Variants in XIRP2 observed in about 807,000 individuals in gnomAD.
XIRP2 encodes xin actin-binding repeat-containing protein 2.
In XIRP2, 236 loss-of-function variants were observed where a neutral mutation model predicts 277.0. That is an observed-to-expected ratio of 0.85 (90% confidence interval 0.77 to 0.95). XIRP2 has a LOEUF of 0.95. Ranked by LOEUF, XIRP2 falls within the 40% of genes least tolerant of loss-of-function variation. The pLI is 0.00. For synonymous variants in XIRP2, 1,490 were observed against 1,416.5 expected (o/e 1.05, Z -1.17); for missense variants, 4,640 against 4,157.5 (o/e 1.12, Z -3.19).
chr2:166,972,357 A>G (rs1420501532), intron 2 of XIRP2, among the ~76,000 whole-genome samples: 1 of 152,186 alleles, frequency 6.6e-6, no homozygotes, highest in African/African-American at 2.4e-5. Flanking sequence ...CATATCAGAT[A>G]GGAATATCTT....
chr2:167,024,598 G>T (rs1203918113), intron 2 of XIRP2, among the ~76,000 whole-genome samples: 1 of 152,066 alleles, frequency 6.6e-6, no homozygotes, highest in Non-Finnish European at 1.5e-5. Context: ...GTTTGTCATA[G>T]ATAGCTCTTA....
Position 167,258,833 on chromosome 2 carries a change from G to T in XIRP2, c.*1016G>T, listed in dbSNP as rs1045797016. On this transcript the variant is annotated 3_prime_UTR_variant, in exon 11 of 11. Coordinates refer to ENST00000409195, the MANE Select transcript of XIRP2 (RefSeq NM_152381.6). ...TACATCTAGAATCTCAGAGTTACTT[G>T]GTATATTTGAATCTGAAAAGACTTA... 43 of 1,612,970 alleles carry T rather than the reference G, an allele frequency of 2.7e-5. No homozygotes were observed. The highest frequency in any genetic ancestry group is 3.6e-5 in the Non-Finnish European group (42 of 1,179,516).
chr2:166,927,112 T>G (rs137986202), intron 2 of XIRP2, among the ~76,000 whole-genome samples: 113 of 152,262 alleles, frequency 7.4e-4, no homozygotes, highest in African/African-American at 2.6e-3. Flanking sequence ...ATTTTAGTTT[T>G]TCTCTGTGTT....
At chr2:166,904,907 A>G (rs1684479174) in intron 2 of XIRP2, among the ~76,000 whole-genome samples, 1 of 152,072 alleles carries the variant, frequency 6.6e-6, no homozygotes, top group South Asian at 2.1e-4. Flanking sequence ...ATTTTTGAAA[A>G]TCAATTATTT....
chr2:167,245,789 G>A lies in XIRP2; in HGVS notation c.4397G>A (p.Gly1466Glu), dbSNP rs1392730095. Residue 1466 changes from glycine (G) to glutamate (E), a missense_variant, in exon 9 of 11, where the codon GGA becomes GAA. Physicochemically the swap from Gly to Glu is moderately conservative, Grantham distance 98. Transcript: ENST00000409195. ...ACCCACACTATGGATGAACTGAGAG[G>A]AGAAGGGTTAGAATATGAAAATATC... ...FETHTMDELR[G>E]EGLEYENIKT... The A allele has an allele frequency of 6.2e-7, 1 of 1,613,732 alleles. No individual in the cohort carries two copies. The highest frequency in any genetic ancestry group is 8.5e-7 in the Non-Finnish European group (1 of 1,179,744).
chr2:167,064,169 G>A (rs115377868), intron 2 of XIRP2, among the ~76,000 whole-genome samples: 1,712 of 151,530 alleles, frequency 0.011, 33 homozygotes, highest in African/African-American at 0.039. Context: ...ATATTCATAT[G>A]CATTTTGAAA....
At position 167,174,244 on chromosome 2, in the gene XIRP2, TG is replaced by T. The variant is rs1307819419; in HGVS notation, c.563-36488del. Among the ~76,000 whole-genome samples, 3 of 152,332 alleles carry T rather than the reference TG, an allele frequency of 2.0e-5. No individual in the cohort carries two copies. The East Asian group carries it at 5.8e-4, about 29-fold the overall frequency. The stretch of plus-strand genomic sequence containing the variant: ...ATTCGGCTGTGAATCTGTCTGGTCC[TG>T]GGCTTGTTTTGGTTGGTAGGCTATT... On this transcript the variant is annotated intron_variant, in intron 3 of 10. Coordinates refer to ENST00000409195, the MANE Select transcript of XIRP2 (RefSeq NM_152381.6).
rs1691533372 is a variant in XIRP2 at position 167,135,902 on chromosome 2, G to A, written c.409-7G>A. The A allele has an allele frequency of 1.9e-6, 3 of 1,592,912 alleles. No individual in the cohort carries two copies. The highest frequency in any genetic ancestry group is 1.1e-5 in the South Asian group (1 of 87,794). On this transcript the variant is annotated splice_polypyrimidine_tract_variant and splice_region_variant and intron_variant, in intron 2 of 10. Transcript: ENST00000409195. Reference sequence around the variant, plus strand: ...TTAACATACAACCCTTTAATGTCTTGTAACAGGAAGTGGAAATTGAGCGAA... The same window carrying A: ...TTAACATACAACCCTTTAATGTCTTATAACAGGAAGTGGAAATTGAGCGAA...
At chr2:166,994,817 CTAGTT>C (rs61421954) in intron 2 of XIRP2, among the ~76,000 whole-genome samples, 5,357 of 151,874 alleles carry the variant, frequency 0.035, 122 homozygotes, top group East Asian at 0.079. Context: ...TTAGGGGAAA[CTAGTT>C]TAAGGGTTTA....
intron 2 of XIRP2, among the ~76,000 whole-genome samples, chr2:167,116,054 A>G (rs1040839624): frequency 6.6e-6 from 1 of 152,178 alleles, no homozygotes. Flanking sequence ...ATGGCCTAGA[A>G]TATGGTCTAT....
chr2:166,906,834 G>A (rs545780527), intron 2 of XIRP2, among the ~76,000 whole-genome samples: 1 of 152,214 alleles, frequency 6.6e-6, no homozygotes, highest in African/African-American at 2.4e-5. Context: ...GTCTGAGTCA[G>A]GAGGATCCCT....
chr2:167,084,366 C>T (rs1279341141), intron 2 of XIRP2, among the ~76,000 whole-genome samples: 2 of 151,840 alleles, frequency 1.3e-5, no homozygotes, highest in African/African-American at 4.8e-5. Flanking sequence ...AGGATTTTTG[C>T]ATCAATGTTC....
intron 2 of XIRP2, among the ~76,000 whole-genome samples, chr2:166,933,444 C>T (rs1021333235): frequency 9.9e-5 from 15 of 152,020 alleles, no homozygotes; most frequent in Admixed American, 2.0e-4. Flanking sequence ...CCACTGTGCC[C>T]GGCCAACTTA....
chr2:167,171,182 G>A (rs538566347), intron 3 of XIRP2, among the ~76,000 whole-genome samples: 1 of 152,082 alleles, frequency 6.6e-6, no homozygotes, highest in African/African-American at 2.4e-5. Context: ...TTACAGGTGT[G>A]AGCCACTGCA....
chr2:166,939,915 A>G (rs536390359), intron 2 of XIRP2, among the ~76,000 whole-genome samples: 2 of 151,982 alleles, frequency 1.3e-5, no homozygotes, highest in South Asian at 4.2e-4. Flanking sequence ...GAATCTGACA[A>G]TTATGTGTCT....
chr2:166,910,328 G>A (rs1011055892), intron 2 of XIRP2, among the ~76,000 whole-genome samples: 1 of 152,000 alleles, frequency 6.6e-6, no homozygotes, highest in Admixed American at 6.6e-5. Flanking sequence ...ACTTCTTCCT[G>A]GTTTAGTCTT....
intron 2 of XIRP2, among the ~76,000 whole-genome samples, chr2:166,959,260 C>T (rs1686243317): frequency 6.6e-6 from 1 of 151,808 alleles, no homozygotes; most frequent in Non-Finnish European, 1.5e-5. Context: ...TTTCTCTGAT[C>T]AAACCCTGAA....
intron 2 of XIRP2, among the ~76,000 whole-genome samples, chr2:167,088,511 A>T (rs569665388): frequency 6.6e-6 from 1 of 152,150 alleles, no homozygotes; most frequent in Non-Finnish European, 1.5e-5. Context: ...ATGATCTTTC[A>T]AAAATGCCAA....
At chr2:167,153,475 G>C (rs1250356837) in intron 3 of XIRP2, among the ~76,000 whole-genome samples, 4 of 151,822 alleles carry the variant, frequency 2.6e-5, no homozygotes, top group South Asian at 4.2e-4. Flanking sequence ...AGTTACATAT[G>C]TATACATGTG....
Sources: gnomAD v4.1 joint callset for allele counts (sites outside exome capture counted in the v4.1 genomes callset) on GRCh38, gnomAD v4.1.1 for gene constraint, MANE v1.5 for transcripts, NCBI Gene and HGNC (gene_info 2026-07-23, HGNC 2026-07-21) for gene names.